Variants in ZMAT3 observed in about 807,000 individuals in gnomAD.
The protein encoded by ZMAT3 is zinc finger matrin-type protein 3.
ZMAT3 carries 17 observed loss-of-function variants against 32.3 expected under a neutral mutation model. That is an observed-to-expected ratio of 0.53 (90% CI 0.36 to 0.79). The LOEUF is 0.79. Among genes scored for constraint, ZMAT3 ranks in the 30% least tolerant of loss-of-function variants. The pLI is 0.00. For missense variants in ZMAT3, 329 were observed against 359.7 expected (o/e 0.91, Z 0.69); for synonymous variants, 120 against 133.1 (o/e 0.90, Z 0.68).
At chr3:179,056,233 A>G (rs1164630569) in intron 2 of ZMAT3, among the ~76,000 whole-genome samples, 1 of 152,016 alleles carries the variant, frequency 6.6e-6, no homozygotes, top group South Asian at 2.1e-4. Context: ...TTAGGCCCGG[A>G]GCAGAACTTA....
intron 5 of ZMAT3, among the ~76,000 whole-genome samples, chr3:179,025,994 A>G (rs1371642635): frequency 3.3e-5 from 5 of 152,210 alleles, no homozygotes; most frequent in African/African-American, 1.2e-4. Context: ...TATATAGGTA[A>G]TACTTTTCTC....
Position 179,019,516 on chromosome 3 carries a change from T to C in ZMAT3, c.*5501A>G, listed in dbSNP as rs1177132633. The C allele has an allele frequency of 6.6e-6, 1 of 152,126 alleles. No individual in the cohort carries two copies. The highest frequency in any genetic ancestry group is 1.5e-5 in the Non-Finnish European group (1 of 68,006). The allele number at this position is 152,126 out of a possible 1,614,324, so 9.4% of individuals were successfully genotyped here. ...ATGGCAATACAAGTATAGTCAAATG[T>C]TGATGGCAGAATCTAGCAGTGGTTA... On this transcript the variant is annotated 3_prime_UTR_variant, in exon 6 of 6. Transcript: ENST00000311417.
chr3:179,047,698 CA>C (rs61484439), intron 2 of ZMAT3, among the ~76,000 whole-genome samples: 28 of 147,426 alleles, frequency 1.9e-4, no homozygotes, highest in South Asian at 2.1e-4. Context: ...ACTAAAAATA[CA>C]AAAAAAAAAA....
At chr3:179,069,596 G>T (rs2108594732) in intron 1 of ZMAT3, among the ~76,000 whole-genome samples, 1 of 152,192 alleles carries the variant, frequency 6.6e-6, no homozygotes, top group Middle Eastern at 3.4e-3. Flanking sequence ...AATGAATCAA[G>T]TAAATTTTGA....
intron 2 of ZMAT3, among the ~76,000 whole-genome samples, chr3:179,047,235 G>A (rs1430816580): frequency 6.6e-6 from 1 of 152,120 alleles, no homozygotes; most frequent in Non-Finnish European, 1.5e-5. Flanking sequence ...TCCACTAGGT[G>A]GCTAGATCCA....
Position 179,017,840 on chromosome 3 carries a change from T to C in ZMAT3, c.*7177A>G, listed in dbSNP as rs1269852780. The C allele has an allele frequency of 6.6e-6, 1 of 152,160 alleles. No homozygotes were observed. The highest frequency in any genetic ancestry group is 6.5e-5 in the Admixed American group (1 of 15,268). The allele number at this position is 152,160 out of a possible 1,614,324, so 9.4% of individuals were successfully genotyped here. On this transcript the variant is annotated 3_prime_UTR_variant, in exon 6 of 6. Coordinates refer to ENST00000311417, the MANE Select transcript of ZMAT3 (RefSeq NM_022470.4). ...ATATTTCCAAGGAGAAGCAACTTAT[T>C]GTCCCAGCAGATATATGGAATGCTT...
rs1283166485 is a variant in ZMAT3, at chr3:179,046,790, CT to C, written c.271-15792del. 6.6e-6 allele frequency among the ~76,000 whole-genome samples: 1 copy of C among 152,158 alleles called. No homozygotes were observed. The highest frequency in any genetic ancestry group is 1.5e-5 in the Non-Finnish European group (1 of 68,034). On this transcript the variant is annotated intron_variant, in intron 2 of 5. Coordinates refer to ENST00000311417, the MANE Select transcript of ZMAT3 (RefSeq NM_022470.4). This position sits in a 1 kb window ranked among gnomAD's most constrained non-coding sequence, Gnocchi z 4.3. Reference sequence around the variant, plus strand: ...CACAGCAGAGGCAGCCATAATCCCCCTGGGAACATAACTCCATTGGCCCGTT... The same window carrying C: ...CACAGCAGAGGCAGCCATAATCCCCCGGGAACATAACTCCATTGGCCCGTT...
intron 2 of ZMAT3, among the ~76,000 whole-genome samples, chr3:179,058,755 CAAAA>C (rs56006230): frequency 4.4e-5 from 3 of 68,220 alleles, no homozygotes; most frequent in Admixed American, 1.7e-4. Context: ...GACTCCGTCT[CAAAA>C]AAAAAAAAAA....
At position 179,025,156 on chromosome 3, in the gene ZMAT3, C is replaced by T. The variant is rs760540117; in HGVS notation, c.731G>A (p.Gly244Asp). 1 of 1,614,190 alleles carries T rather than the reference C, an allele frequency of 6.2e-7. No individual in the cohort carries two copies. The highest frequency in any genetic ancestry group is 1.7e-5 in the Admixed American group (1 of 60,026). The change falls in exon 6 of 6, where the codon GGC becomes GAC. Residue 244 changes from glycine (G) to aspartate (D), a missense_variant. Physicochemically the swap from Gly to Asp is moderately conservative, Grantham distance 94 (BLOSUM62 -1). Transcript: ENST00000311417. The part of the protein sequence containing the change: ...RDLAMCVTPS[G>D]QFYCSMCNVG... The stretch of plus-strand genomic sequence containing the variant: ...ATTACACATTGAGCAGTAAAACTGG[C>T]CACTTGGAGTAACACACATGGCCAG...
chr3:179,062,852 G>C (rs1025267651), intron 2 of ZMAT3, among the ~76,000 whole-genome samples: 1 of 152,102 alleles, frequency 6.6e-6, no homozygotes, highest in African/African-American at 2.4e-5. Context: ...TTTACACAAG[G>C]TCCTACAGCA....
At chr3:179,043,464 A>C (rs545692079) in intron 2 of ZMAT3, among the ~76,000 whole-genome samples, 7 of 152,304 alleles carry the variant, frequency 4.6e-5, no homozygotes, top group South Asian at 2.1e-4. Context: ...CAAAAACAAG[A>C]AATGGGGAAA....
At chr3:179,038,970 T>G (rs988013308) in intron 2 of ZMAT3, among the ~76,000 whole-genome samples, 10 of 152,214 alleles carry the variant, frequency 6.6e-5, no homozygotes, top group African/African-American at 2.4e-4. Flanking sequence ...AGCGCAGCAG[T>G]CTGAGATCAA....
chr3:179,027,534 G>C lies in ZMAT3; in HGVS notation c.558-11C>G. 1.2e-6 allele frequency: 2 copies of C among 1,614,054 alleles called. No individual in the cohort carries two copies. The highest frequency in any genetic ancestry group is 1.3e-5 in the African/African-American group (1 of 75,010). On this transcript the variant is annotated splice_polypyrimidine_tract_variant and intron_variant, in intron 4 of 5. Coordinates refer to ENST00000311417, the MANE Select transcript of ZMAT3 (RefSeq NM_022470.4). ...AGCTCTGAGGATTCCCTGGAGAAAA[G>C]AAGTTTAAAAAAGAGTGAGTCTTCT... is the stretch of plus-strand genomic sequence containing the variant.
rs1435000083 is a variant in ZMAT3 at position 179,023,265 on chromosome 3, C to T, written c.*1752G>A. The T allele has an allele frequency of 3.3e-5, 5 of 150,900 alleles. No individual in the cohort carries two copies. The highest frequency in any genetic ancestry group is 9.8e-5 in the African/African-American group (4 of 40,948). The allele number at this position is 150,900 out of a possible 1,614,324, so 9.3% of individuals were successfully genotyped here. Reference sequence around the variant, plus strand: ...GCAACCTCCACCTCCTGGGTTCATACAACTTCTTATTTTAAACGCAAAAAA... The same window carrying T: ...GCAACCTCCACCTCCTGGGTTCATATAACTTCTTATTTTAAACGCAAAAAA... On this transcript the variant is annotated 3_prime_UTR_variant, in exon 6 of 6. Transcript: ENST00000311417.
At chr3:179,064,079 C>G (rs1721282116) in intron 2 of ZMAT3, among the ~76,000 whole-genome samples, 2 of 152,230 alleles carry the variant, frequency 1.3e-5, no homozygotes, top group African/African-American at 4.8e-5. Context: ...TACAGTCCGG[C>G]TCTAGTGTAA....
intron 2 of ZMAT3, 126 bp from the exon 3 acceptor site, chr3:179,031,125 T>C (rs1036879473): frequency 2.6e-6 from 2 of 757,256 alleles, no homozygotes; most frequent in East Asian, 6.2e-5. Context: ...CACATTCACA[T>C]AATTTCCATG....
At chr3:179,037,856 A>G (rs779663074) in intron 2 of ZMAT3, among the ~76,000 whole-genome samples, 1 of 152,194 alleles carries the variant, frequency 6.6e-6, no homozygotes, top group African/African-American at 2.4e-5. Context: ...CCATTCTAAG[A>G]AAAGGAGATA....
At chr3:179,047,081 C>G (rs937012569) in intron 2 of ZMAT3, among the ~76,000 whole-genome samples, 2 of 152,162 alleles carry the variant, frequency 1.3e-5, no homozygotes, top group African/African-American at 4.8e-5. Flanking sequence ...AAAATACAAC[C>G]AAGGACCCTC....
chr3:179,050,240 A>G (rs1720480427), intron 2 of ZMAT3, among the ~76,000 whole-genome samples: 1 of 152,134 alleles, frequency 6.6e-6, no homozygotes, highest in Non-Finnish European at 1.5e-5. Flanking sequence ...GAGGTTAGCC[A>G]AGAAAATAAG....
Sources: allele counts gnomAD v4.1 joint callset (sites outside exome capture counted in the v4.1 genomes callset), GRCh38; gene constraint gnomAD v4.1.1; non-coding constraint Gnocchi (gnomAD v3.1); transcripts MANE v1.5; gene names NCBI Gene and HGNC (gene_info 2026-07-23, HGNC 2026-07-21).